CHFR: variants seen among roughly 807,000 people sequenced by gnomAD.
CHFR encodes E3 ubiquitin-protein ligase CHFR.
Under a neutral mutation model 87.6 loss-of-function variants are expected in CHFR, and 57 were observed. That is an observed-to-expected ratio of 0.65 (90% confidence interval 0.53 to 0.81). CHFR has a LOEUF of 0.81. CHFR is among the 30% of genes least tolerant of loss of function. The pLI, the probability that CHFR is intolerant of heterozygous loss-of-function variation, is 0.00. For missense variants in CHFR, 797 were observed against 865.8 expected (o/e 0.92, Z 1.00); for synonymous variants, 381 against 359.2 (o/e 1.06, Z -0.69).
At chr12:132,845,649 C>G (rs1489630215) in intron 15 of CHFR, among the ~76,000 whole-genome samples, 2 of 151,968 alleles carry the variant, frequency 1.3e-5, no homozygotes, top group Non-Finnish European at 2.9e-5. Flanking sequence ...GAACCTGTCT[C>G]ATATATATAT....
At chr12:132,861,730 G>T in intron 6 of CHFR, 96 bp from the exon 7 acceptor site, 1 of 1,176,052 alleles carries the variant, frequency 8.5e-7, no homozygotes. Context: ...AGTGCAGCTG[G>T]CAGCCTGAGA....
chr12:132,848,334 C>T, intron 13 of CHFR, 179 bp from the exon 14 acceptor site: 2 of 1,202,302 alleles, frequency 1.7e-6, no homozygotes, highest in Non-Finnish European at 1.2e-6. Context: ...CATTCCACTC[C>T]CTCCTTAAAA....
chr12:132,869,655 G>A lies in CHFR; in HGVS notation c.547C>T (p.Pro183Ser). The change falls in exon 6 of 18, where the codon CCT becomes TCT. Residue 183 changes from proline (P) to serine (S), a missense_variant. Transcript: ENST00000450056. ...FPTASASSTE[P>S]SPAGRERSSS... ...GAACGCTCTCGCCCTGCAGGAGAAG[G>A]CTCCGTGGAAGAGGCCGAGGCTGTG... 3 of 1,551,630 alleles carry A rather than the reference G, an allele frequency of 1.9e-6. No homozygotes were observed. Among genetic ancestry groups the A allele is most frequent in the Non-Finnish European group, 2.6e-6 (3 of 1,146,976 alleles).
chr12:132,879,644 T>C (rs919385264), intron 2 of CHFR, among the ~76,000 whole-genome samples: 2 of 149,236 alleles, frequency 1.3e-5, no homozygotes, highest in African/African-American at 4.9e-5. Context: ...CCGCCTCGGC[T>C]TCTCAAAGTG....
At chr12:132,848,387 G>T in intron 13 of CHFR, 1 of 796,988 alleles carries the variant, frequency 1.3e-6, no homozygotes, top group South Asian at 1.6e-5. Flanking sequence ...TCTTGGTATC[G>T]TAACAGCAGA....
chr12:132,834,291 G>A lies in CHFR; in HGVS notation c.*7263C>T, dbSNP rs1463547347. 6.6e-6 allele frequency: 1 copy of A among 152,472 alleles called. No homozygotes were observed. The highest frequency in any genetic ancestry group is 1.5e-5 in the Non-Finnish European group (1 of 68,262). The allele number at this position is 152,472 out of a possible 1,614,324, so 9.4% of individuals were successfully genotyped here. ...AGAGACCTAGAGCTACAGGGTGAAG[G>A]AACGTGCTGGGGAGCAGGGGAGAGG... On this transcript the variant is annotated 3_prime_UTR_variant, in exon 18 of 18. Coordinates refer to ENST00000450056, the MANE Select transcript of CHFR (RefSeq NM_001161346.2).
chr12:132,843,947 CA>C (rs150643970), intron 16 of CHFR, 79 bp downstream of exon 16: 218,704 of 710,722 alleles, frequency 0.31, 9,640 homozygotes, highest in Non-Finnish European at 0.34. Flanking sequence ...GAAACTGTCT[CA>C]AAAAAAAAAA....
intron 16 of CHFR, among the ~76,000 whole-genome samples, 170 bp from the exon 17 acceptor site, chr12:132,843,253 CAT>C (rs1950740238): frequency 6.6e-6 from 1 of 152,040 alleles, no homozygotes; most frequent in African/African-American, 2.4e-5. Context: ...AAAGGAAACA[CAT>C]GTTTAACTAA....
At position 132,878,987 on chromosome 12, in the gene CHFR, GT is replaced by G. The variant is rs971216710; in HGVS notation, c.134-1334del. Among the ~76,000 whole-genome samples the G allele has an allele frequency of 6.2e-4, 85 of 137,642 alleles. No homozygotes were observed. The South Asian group carries it at 0.014, about 23-fold the overall frequency. 90.3% of individuals were successfully genotyped at this position (137,642 alleles called of 152,430 possible). ...ACTGAGCCAACTGTGATAGGCATTTGTTTTTTTTTTTGTTTTTGTTTGTTTT... is the reference window on the plus strand; with the variant it reads ...ACTGAGCCAACTGTGATAGGCATTTGTTTTTTTTTTGTTTTTGTTTGTTTT... On this transcript the variant is annotated intron_variant, in intron 2 of 17. Transcript: ENST00000450056.
chr12:132,842,095 C>T (rs145962987), intron 17 of CHFR, among the ~76,000 whole-genome samples: 471 of 122,022 alleles, frequency 3.9e-3, no homozygotes, highest in African/African-American at 0.014. Context: ...GCAGACAGAG[C>T]GAGACTCCAT....
Position 132,887,347 on chromosome 12 carries a change from A to G in CHFR, c.-12-7T>C. 7.1e-7 allele frequency: 1 copy of G among 1,408,636 alleles called. No individual in the cohort carries two copies. The highest frequency in any genetic ancestry group is 9.2e-7 in the Non-Finnish European group (1 of 1,082,754). The allele number at this position is 1,408,636 out of a possible 1,614,324, so 87.3% of individuals were successfully genotyped here. On this transcript the variant is annotated splice_region_variant and splice_polypyrimidine_tract_variant and intron_variant, in intron 1 of 17. Transcript: ENST00000450056. ...GCTCCATCGGGATTCACATCTGCGG[A>G]GACCCCGGAAACGCCCATGGAGACT...
At position 132,841,271 on chromosome 12, in the gene CHFR, G is replaced by A. The variant is rs758214417; in HGVS notation, c.*283C>T. 7 of 359,382 alleles carry A rather than the reference G, an allele frequency of 1.9e-5. No homozygotes were observed. Among genetic ancestry groups the A allele is most frequent in the Non-Finnish European group, 2.5e-5 (5 of 199,240 alleles). 22.3% of individuals were successfully genotyped at this position (359,382 alleles called of 1,614,324 possible). ...AAAGAGCAAAACTGCCCCTCTCGGC[G>A]GGACGGCCGCATGTTACAGAAAGGC... On this transcript the variant is annotated 3_prime_UTR_variant, in exon 18 of 18. Transcript: ENST00000450056.
intron 2 of CHFR, among the ~76,000 whole-genome samples, chr12:132,878,844 A>C (rs1353258670): frequency 6.6e-5 from 10 of 150,496 alleles, no homozygotes; most frequent in Non-Finnish European, 1.3e-4. Context: ...AAAAAAAAAA[A>C]CTCAGGGGCT....
At chr12:132,877,739 T>C in intron 2 of CHFR, 85 bp from the exon 3 acceptor site, 1 of 751,004 alleles carries the variant, frequency 1.3e-6, no homozygotes, top group Non-Finnish European at 2.2e-6. Context: ...AGTATGTGGT[T>C]CCAACTCAGG....
At chr12:132,873,075 G>A (rs1298819307) in intron 3 of CHFR, among the ~76,000 whole-genome samples, 5 of 152,146 alleles carry the variant, frequency 3.3e-5, no homozygotes, top group Non-Finnish European at 7.4e-5. Flanking sequence ...CAAGATCCAA[G>A]AGCACAGCAT....
chr12:132,885,341 G>A (rs1272468146), intron 2 of CHFR, among the ~76,000 whole-genome samples: 2 of 145,738 alleles, frequency 1.4e-5, no homozygotes, highest in Non-Finnish European at 3.0e-5. Flanking sequence ...AACCCGGGAG[G>A]TGGAGCTTGC....
At chr12:132,873,470 GT>G (rs1566199650) in intron 3 of CHFR, among the ~76,000 whole-genome samples, 5 of 152,198 alleles carry the variant, frequency 3.3e-5, no homozygotes. Context: ...TTATACACGG[GT>G]TTTTTTCAAT....
rs1263803034 is a variant in CHFR at position 132,833,368 on chromosome 12, G to A, written c.*8186C>T. The A allele has an allele frequency of 6.6e-6, 1 of 152,250 alleles. No individual in the cohort carries two copies. The highest frequency in any genetic ancestry group is 2.4e-5 in the African/African-American group (1 of 41,468). The allele number at this position is 152,250 out of a possible 1,614,324, so 9.4% of individuals were successfully genotyped here. ...ATTCTAGGCACTGTCCCAAATCCCT[G>A]CTCTTACAGAAGGTATATTCTAGTG... On this transcript the variant is annotated 3_prime_UTR_variant, in exon 18 of 18. Coordinates refer to ENST00000450056, the MANE Select transcript of CHFR (RefSeq NM_001161346.2).
Position 132,859,212 on chromosome 12 carries a change from A to G in CHFR, c.767T>C (p.Leu256Pro). 6.2e-7 allele frequency: 1 copy of G among 1,613,200 alleles called. No individual in the cohort carries two copies. Among genetic ancestry groups the G allele is most frequent in the Non-Finnish European group, 8.5e-7 (1 of 1,179,538 alleles). Reference protein sequence around the residue: ...KKMRGDGDLDLNGQLLVAQPR... With the variant: ...KKMRGDGDLDPNGQLLVAQPR... ...TTGTGCGACCAACAACTGCCCGTTC[A>G]GGTCAAGGTCCCCATCTACAGGAGA... Residue 256 changes from leucine (L) to proline (P), a missense_variant, in exon 8 of 18, where the codon CTG (leucine) becomes CCG (proline). By Grantham distance (98) the Leu-to-Pro change is moderately conservative (BLOSUM62 -3). Coordinates refer to ENST00000450056, the MANE Select transcript of CHFR (RefSeq NM_001161346.2).
Sources: gnomAD v4.1 joint callset for allele counts (sites outside exome capture counted in the v4.1 genomes callset) on GRCh38, gnomAD v4.1.1 for gene constraint, MANE v1.5 for transcripts, NCBI Gene and HGNC (gene_info 2026-07-23, HGNC 2026-07-21) for gene names.